The following RBFOX1 variants were observed in gnomAD, a reference collection of about 807,000 sequenced individuals.
RBFOX1 encodes the protein RNA binding protein fox-1 homolog 1.
In RBFOX1, 8 loss-of-function variants were observed where a neutral mutation model predicts 57.7. The ratio of observed to expected loss-of-function variants is 0.14; its 90% CI spans 0.08 to 0.25. The LOEUF is 0.25. Ranked by LOEUF, RBFOX1 falls within the 10% of genes least tolerant of loss-of-function variation. The probability of loss-of-function intolerance (pLI) is 1.00; values close to 1 mark genes in which losing one functional copy is unlikely to be tolerated. For missense variants in RBFOX1, 611 were observed against 548.5 expected, an observed-to-expected ratio of 1.11 and a Z score of -1.14; for synonymous variants, 326 against 222.4, an observed-to-expected ratio of 1.47 and a Z score of -4.15.
intron 3 of RBFOX1, among the ~76,000 whole-genome samples, chr16:6,853,785 TGAA>T (rs1014072772): frequency 3.9e-5 from 6 of 152,148 alleles, no homozygotes; most frequent in African/African-American, 1.4e-4. Flanking sequence ...TGACCTCACT[TGAA>T]GAAACCACCG....
intron 1 of RBFOX1, among the ~76,000 whole-genome samples, chr16:6,021,660 G>C (rs1017978620): frequency 1.3e-5 from 2 of 152,128 alleles, no homozygotes; most frequent in African/African-American, 4.8e-5. Context: ...CATTCCTCGC[G>C]GTAGTGGAAG....
intron 2 of RBFOX1, among the ~76,000 whole-genome samples, chr16:6,324,479 G>C (rs2082151782): frequency 6.6e-6 from 1 of 152,190 alleles, no homozygotes; most frequent in African/African-American, 2.4e-5. Context: ...TATGGCAGAA[G>C]GCAGAAGGCA....
intron 3 of RBFOX1, among the ~76,000 whole-genome samples, chr16:6,931,207 C>T (rs778007573): frequency 1.5e-4 from 23 of 149,746 alleles, no homozygotes; most frequent in Non-Finnish European, 2.5e-4. Context: ...ATATTTTTAA[C>T]CTCTTCTCTC....
chr16:7,184,923 G>A (rs538135575), intron 4 of RBFOX1, among the ~76,000 whole-genome samples: 1 of 148,728 alleles, frequency 6.7e-6, no homozygotes, highest in Non-Finnish European at 1.5e-5. Flanking sequence ...CTTACTTGGT[G>A]CCCAAAGTAC....
intron 1 of RBFOX1, among the ~76,000 whole-genome samples, chr16:5,240,779 C>A: frequency 6.6e-6 from 1 of 152,146 alleles, no homozygotes; most frequent in African/African-American, 2.4e-5. Flanking sequence ...CCTGAGTGAC[C>A]GGGCCCGTGT....
chr16:6,663,703 G>A (rs1012565843), intron 3 of RBFOX1, among the ~76,000 whole-genome samples: 1 of 152,240 alleles, frequency 6.6e-6, no homozygotes, highest in Non-Finnish European at 1.5e-5. Context: ...AGGCCGTTAG[G>A]CATATACATT....
intron 2 of RBFOX1, among the ~76,000 whole-genome samples, chr16:6,556,242 C>G (rs958727252): frequency 2.0e-5 from 3 of 152,162 alleles, no homozygotes; most frequent in African/African-American, 7.2e-5. Context: ...CTACTTATCA[C>G]GGATCCTGCA....
At chr16:6,188,822 C>A (rs193112682) in intron 1 of RBFOX1, among the ~76,000 whole-genome samples, 1 of 152,168 alleles carries the variant, frequency 6.6e-6, no homozygotes, top group Non-Finnish European at 1.5e-5. Flanking sequence ...GAAGCACATA[C>A]AGTTCATTTT....
At chr16:6,517,533 G>C (rs77398325) in intron 2 of RBFOX1, among the ~76,000 whole-genome samples, 8 of 152,214 alleles carry the variant, frequency 5.3e-5, no homozygotes, top group African/African-American at 1.9e-4. Flanking sequence ...CTACACTGCC[G>C]AAGTGGGAGA....
At chr16:6,854,292 G>C (rs564203277) in intron 3 of RBFOX1, among the ~76,000 whole-genome samples, 1 of 152,254 alleles carries the variant, frequency 6.6e-6, no homozygotes, top group Non-Finnish European at 1.5e-5. Context: ...GAAAGATGGA[G>C]GATCAATATG....
chr16:7,395,152 C>G (rs988990537), intron 4 of RBFOX1, among the ~76,000 whole-genome samples: 4 of 149,986 alleles, frequency 2.7e-5, no homozygotes, highest in African/African-American at 9.9e-5. Flanking sequence ...AGCATATTTC[C>G]AAGTGTGGAT....
intron 14 of RBFOX1, among the ~76,000 whole-genome samples, chr16:7,697,729 C>A (rs2079242114): frequency 6.6e-6 from 1 of 152,134 alleles, no homozygotes; most frequent in African/African-American, 2.4e-5. Flanking sequence ...CCACACACAC[C>A]TTTTTCTTCA....
At chr16:7,024,014 A>G (rs1014089939) in intron 3 of RBFOX1, among the ~76,000 whole-genome samples, 1 of 152,162 alleles carries the variant, frequency 6.6e-6, no homozygotes, top group Non-Finnish European at 1.5e-5. Context: ...TATCCTCCTG[A>G]TAACCGTATG....
intron 3 of RBFOX1, among the ~76,000 whole-genome samples, chr16:5,758,378 C>T (rs77189340): frequency 3.9e-5 from 6 of 152,102 alleles, no homozygotes; most frequent in East Asian, 1.9e-4. Context: ...CTTGTAACTG[C>T]GAGCTTGGTC....
chr16:5,690,062 A>C (rs965940107), intron 3 of RBFOX1, among the ~76,000 whole-genome samples: 1 of 152,200 alleles, frequency 6.6e-6, no homozygotes, highest in African/African-American at 2.4e-5. Flanking sequence ...GGAGAGCTGG[A>C]CAGTGGTCAG....
intron 4 of RBFOX1, among the ~76,000 whole-genome samples, chr16:7,346,442 G>C (rs986043710): frequency 6.6e-6 from 1 of 152,068 alleles, no homozygotes; most frequent in Admixed American, 6.5e-5. Flanking sequence ...GAATGGACAC[G>C]ACACGCGTTT....
intron 3 of RBFOX1, among the ~76,000 whole-genome samples, chr16:6,961,575 A>G (rs567478757): frequency 6.6e-6 from 1 of 152,338 alleles, no homozygotes; most frequent in East Asian, 1.9e-4. Flanking sequence ...TGGCTACTCC[A>G]TAGGCAGAGC....
At chr16:5,290,328 C>T (rs892858258) in intron 1 of RBFOX1, among the ~76,000 whole-genome samples, 3 of 152,158 alleles carry the variant, frequency 2.0e-5, no homozygotes, top group African/African-American at 7.2e-5. Context: ...TGCCACTGCA[C>T]TCCAGCCTGT....
chr16:5,742,220 C>T (rs1211205811), intron 3 of RBFOX1, among the ~76,000 whole-genome samples: 1 of 54,768 alleles, frequency 1.8e-5, no homozygotes, highest in Non-Finnish European at 4.3e-5. Context: ...CCTTTCCTTC[C>T]TCCCTTCCTT....
Sources: allele counts gnomAD v4.1 joint callset (sites outside exome capture counted in the v4.1 genomes callset), GRCh38; gene constraint gnomAD v4.1.1; transcripts MANE v1.5; gene names NCBI Gene and HGNC (gene_info 2026-07-23, HGNC 2026-07-21).